SGCD: variants seen among roughly 807,000 people sequenced by gnomAD.
The protein encoded by SGCD is sarcoglycan delta, also known as delta-sarcoglycan.
SGCD carries 18 observed loss-of-function variants against 36.6 expected under a neutral mutation model. The observed-to-expected ratio is 0.49, with a 90% CI of 0.34 to 0.73. SGCD has a LOEUF of 0.73. Among genes scored for constraint, SGCD ranks in the 30% least tolerant of loss-of-function variants. The pLI is 0.01. For synonymous variants in SGCD, 133 were observed against 130.6 expected (o/e 1.02, Z -0.12); for missense variants, 387 against 346.7 (o/e 1.12, Z -0.92).
At chr5:155,866,216 C>T (rs1023500838), upstream of SGCD, among the ~76,000 whole-genome samples, 24 of 152,082 alleles carry the variant, frequency 1.6e-4, no homozygotes, top group African/African-American at 5.8e-4. Context: ...TATTCCCCCT[C>T]CCTCCATCTC....
intron 7 of SGCD, among the ~76,000 whole-genome samples, chr5:156,719,394 G>A (rs972334351): frequency 4.8e-4 from 72 of 150,268 alleles, no homozygotes; most frequent in African/African-American, 1.6e-3. Flanking sequence ...TATATATGAT[G>A]TATATATACA....
intron 7 of SGCD, among the ~76,000 whole-genome samples, chr5:156,740,471 A>C (rs1756615258): frequency 6.6e-6 from 1 of 152,214 alleles, no homozygotes; most frequent in Non-Finnish European, 1.5e-5. Context: ...ACAACTTTTG[A>C]ATTAAAGAAT....
At chr5:156,693,153 C>G (rs752533829) in intron 7 of SGCD, among the ~76,000 whole-genome samples, 3 of 152,140 alleles carry the variant, frequency 2.0e-5, no homozygotes, top group Non-Finnish European at 2.9e-5. Flanking sequence ...TCAACCAGAA[C>G]TTATAACTTT....
At chr5:156,374,028 C>T (rs376455098) in intron 3 of SGCD, among the ~76,000 whole-genome samples, 47 of 151,842 alleles carry the variant, frequency 3.1e-4, no homozygotes, top group African/African-American at 9.7e-4. Flanking sequence ...GTGGAGTCAA[C>T]GGACATTTTA....
chr5:155,776,281 A>C, the SGCD span, among the ~76,000 whole-genome samples: 2 of 152,174 alleles, frequency 1.3e-5, no homozygotes, highest in East Asian at 3.9e-4. Flanking sequence ...TTTGGACCAC[A>C]TGTCCAAATA....
At chr5:156,429,934 T>C (rs1773858217) in intron 3 of SGCD, among the ~76,000 whole-genome samples, 1 of 152,170 alleles carries the variant, frequency 6.6e-6, no homozygotes, top group African/African-American at 2.4e-5. Context: ...GATGCTTTTT[T>C]CTCACAGCTC....
At chr5:156,099,338 C>G (rs939466231) in intron 1 of SGCD, among the ~76,000 whole-genome samples, 1 of 152,212 alleles carries the variant, frequency 6.6e-6, no homozygotes, top group Non-Finnish European at 1.5e-5. Flanking sequence ...TCAGATTCCT[C>G]TACCCAAATG....
intron 6 of SGCD, among the ~76,000 whole-genome samples, chr5:156,623,476 A>G (rs898848505): frequency 3.9e-5 from 6 of 152,214 alleles, no homozygotes; most frequent in Non-Finnish European, 8.8e-5. Flanking sequence ...GACAACTCAG[A>G]TTGTTCTTTT....
chr5:155,816,777 C>T, the SGCD span, among the ~76,000 whole-genome samples: 3 of 152,148 alleles, frequency 2.0e-5, no homozygotes. Context: ...AAGTCCTATG[C>T]AGGTCCCAAT....
chr5:155,826,467 TCTCA>T, the SGCD span, among the ~76,000 whole-genome samples: 1 of 152,224 alleles, frequency 6.6e-6, no homozygotes, highest in African/African-American at 2.4e-5. Context: ...TGACTGCATC[TCTCA>T]CTCTTCCCAC....
chr5:156,554,224 G>T (rs1008903633), intron 4 of SGCD, among the ~76,000 whole-genome samples: 1 of 151,952 alleles, frequency 6.6e-6, no homozygotes, highest in Non-Finnish European at 1.5e-5. Flanking sequence ...GGCATGTGGC[G>T]CACGCCTGTA....
chr5:156,179,962 CA>C (rs2127626421), intron 3 of SGCD, among the ~76,000 whole-genome samples: 1 of 152,064 alleles, frequency 6.6e-6, no homozygotes, highest in Admixed American at 6.5e-5. Flanking sequence ...GTGAAACATG[CA>C]AACCTATAAA....
At chr5:155,854,247 C>A in the SGCD span, among the ~76,000 whole-genome samples, 1 of 152,082 alleles carries the variant, frequency 6.6e-6, no homozygotes, top group Non-Finnish European at 1.5e-5. Context: ...GCCAGAAGCA[C>A]CTTTTTTTCC....
chr5:156,687,404 C>G (rs1358646233), intron 7 of SGCD, among the ~76,000 whole-genome samples: 1 of 152,152 alleles, frequency 6.6e-6, no homozygotes, highest in Non-Finnish European at 1.5e-5. Flanking sequence ...CTTTTCCTCT[C>G]TGAAAACCAC....
the SGCD span, among the ~76,000 whole-genome samples, chr5:155,823,327 CG>C: frequency 1.6e-4 from 23 of 145,900 alleles, no homozygotes; most frequent in African/African-American, 5.6e-4. Flanking sequence ...AAAAAAAGGT[CG>C]GGGGGTGGTG....
intron 4 of SGCD, among the ~76,000 whole-genome samples, chr5:156,570,193 G>T (rs908217241): frequency 1.3e-5 from 2 of 152,082 alleles, no homozygotes; most frequent in Non-Finnish European, 2.9e-5. Context: ...TGGCACTAAA[G>T]TCAGAAAATG....
chr5:155,850,973 A>G, the SGCD span, among the ~76,000 whole-genome samples: 6 of 152,214 alleles, frequency 3.9e-5, no homozygotes, highest in Non-Finnish European at 8.8e-5. Context: ...AAGTCTAGTT[A>G]CATTAATTAA....
At chr5:156,230,616 A>T (rs1764992223) in intron 3 of SGCD, among the ~76,000 whole-genome samples, 1 of 152,022 alleles carries the variant, frequency 6.6e-6, no homozygotes, top group African/African-American at 2.4e-5. Flanking sequence ...CTTCCTTCAA[A>T]GGGTCTATGT....
chr5:156,378,629 C>A (rs184870323), intron 3 of SGCD, among the ~76,000 whole-genome samples: 30 of 152,196 alleles, frequency 2.0e-4, no homozygotes, highest in Non-Finnish European at 3.5e-4. Context: ...TATAAGCCAA[C>A]TTTTGTTTTC....
Sources: allele counts gnomAD v4.1 joint callset (sites outside exome capture counted in the v4.1 genomes callset), GRCh38; gene constraint gnomAD v4.1.1; transcripts MANE v1.5; gene names NCBI Gene and HGNC (gene_info 2026-07-23, HGNC 2026-07-21).